The following CTNNA2 variants were observed in gnomAD, a reference collection of about 807,000 sequenced individuals.
CTNNA2 encodes the protein catenin alpha-2.
A neutral mutation model predicts 101.0 loss-of-function variants in CTNNA2; 42 were observed. The ratio of observed to expected loss-of-function variants is 0.42; its 90% confidence interval spans 0.32 to 0.54. CTNNA2 has a LOEUF of 0.54. Among genes scored for constraint, CTNNA2 ranks in the 20% least tolerant of loss-of-function variants. The pLI is 0.14. For synonymous variants in CTNNA2, 450 were observed against 456.4 expected (o/e 0.99, Z 0.18); for missense variants, 871 against 1,223.1 (o/e 0.71, Z 4.29).
At chr2:79,893,205 G>A (rs1052390110) in intron 6 of CTNNA2, among the ~76,000 whole-genome samples, 4 of 152,028 alleles carry the variant, frequency 2.6e-5, no homozygotes, top group Admixed American at 6.6e-5. Flanking sequence ...CTTTTCCACC[G>A]TTTTGTCCTC....
Position 80,300,961 on chromosome 2 carries a change from A to G in CTNNA2, c.1057-92250A>G, listed in dbSNP as rs561834482. ...CACTCTCAACACAGAAAAAAAAAAAAGGGAAAGCAAGCATTACACAAAAGG... is the reference window on the plus strand; with the variant it reads ...CACTCTCAACACAGAAAAAAAAAAAGGGGAAAGCAAGCATTACACAAAAGG... On this transcript the variant is annotated intron_variant, in intron 7 of 18. Transcript: ENST00000402739. Among the ~76,000 whole-genome samples, 91 of 151,858 alleles carry G rather than the reference A, an allele frequency of 6.0e-4. No homozygotes were observed. In the East Asian group the frequency reaches 0.014, roughly 23 times the overall value.
chr2:79,427,405 A>T (rs965727851), intron 4 of CTNNA2, among the ~76,000 whole-genome samples: 3 of 151,960 alleles, frequency 2.0e-5, no homozygotes. Flanking sequence ...ATATGTTACT[A>T]AAAAAACTCA....
At chr2:79,570,133 C>T (rs1675372379) in intron 1 of CTNNA2, among the ~76,000 whole-genome samples, 1 of 152,144 alleles carries the variant, frequency 6.6e-6, no homozygotes, top group South Asian at 2.1e-4. Flanking sequence ...ATGGATTTCT[C>T]AGTAACCCTA....
At chr2:80,046,460 C>A (rs1420103202) in intron 7 of CTNNA2, among the ~76,000 whole-genome samples, 2 of 152,094 alleles carry the variant, frequency 1.3e-5, no homozygotes, top group Non-Finnish European at 2.9e-5. Flanking sequence ...AGTATCCCCC[C>A]AAATAGCTCT....
chr2:80,232,737 A>G (rs1317986537), intron 7 of CTNNA2, among the ~76,000 whole-genome samples: 1 of 152,080 alleles, frequency 6.6e-6, no homozygotes, highest in Non-Finnish European at 1.5e-5. Context: ...CACATGAGGA[A>G]TGGCCCCTAC....
chr2:80,263,838 C>T (rs1251180853), intron 7 of CTNNA2, among the ~76,000 whole-genome samples: 1 of 152,178 alleles, frequency 6.6e-6, no homozygotes, highest in Non-Finnish European at 1.5e-5. Context: ...TCCACTGAAA[C>T]ATTTTTTACA....
chr2:80,595,297 A>T (rs1434501327), intron 15 of CTNNA2, among the ~76,000 whole-genome samples: 1 of 151,416 alleles, frequency 6.6e-6, no homozygotes, highest in Non-Finnish European at 1.5e-5. Flanking sequence ...TTTTTTATTT[A>T]CTAGTGTCTA....
chr2:80,058,237 G>A (rs942614526), intron 7 of CTNNA2, among the ~76,000 whole-genome samples: 3 of 152,144 alleles, frequency 2.0e-5, no homozygotes, highest in African/African-American at 7.2e-5. Flanking sequence ...AATACTTAGG[G>A]AATTCCATAT....
chr2:80,286,302 C>G (rs535839668), intron 7 of CTNNA2, among the ~76,000 whole-genome samples: 2 of 152,228 alleles, frequency 1.3e-5, no homozygotes, highest in African/African-American at 2.4e-5. Flanking sequence ...TTCTTTTCCC[C>G]CCGCCCCACC....
At chr2:79,633,660 A>G (rs147700897) in intron 1 of CTNNA2, 2 of 152,278 alleles carry the variant, frequency 1.3e-5, no homozygotes, top group African/African-American at 2.4e-5. Context: ...TCTGTCTTAG[A>G]CGGTATTTGA....
upstream of CTNNA2, among the ~76,000 whole-genome samples, chr2:79,509,443 C>G (rs192256775): frequency 2.2e-4 from 33 of 152,082 alleles, no homozygotes; most frequent in Admixed American, 2.2e-3. Context: ...ACAGAGCTGT[C>G]AAGCCATGAA....
rs1361191677 is a variant in CTNNA2 at position 79,651,541 on chromosome 2, T to C, written c.-5-11T>C. ...ATGATTATTTCTAACTGATTACATG[T>C]GTTCCCATAGGGAGCATGACTTCGG... On this transcript the variant is annotated splice_polypyrimidine_tract_variant and intron_variant, in intron 1 of 18. Coordinates refer to ENST00000402739, the MANE Select transcript of CTNNA2 (RefSeq NM_001282597.3). The C allele has an allele frequency of 1.2e-6, 2 of 1,608,980 alleles. No individual in the cohort carries two copies. Among genetic ancestry groups the C allele is most frequent in the South Asian group, 2.2e-5 (2 of 90,944 alleles).
chr2:80,219,302 G>A (rs1265352324), intron 7 of CTNNA2, among the ~76,000 whole-genome samples: 1 of 152,180 alleles, frequency 6.6e-6, no homozygotes, highest in Non-Finnish European at 1.5e-5. Flanking sequence ...AGTGAGAGGG[G>A]ACTTAGCAAT....
intron 1 of CTNNA2, among the ~76,000 whole-genome samples, chr2:79,534,262 T>C (rs1459716959): frequency 6.6e-6 from 1 of 152,144 alleles, no homozygotes; most frequent in African/African-American, 2.4e-5. Context: ...TTTAAACATT[T>C]TTATTATTTT....
At chr2:80,407,267 C>G (rs1324003164) in intron 8 of CTNNA2, among the ~76,000 whole-genome samples, 25 of 152,176 alleles carry the variant, frequency 1.6e-4, no homozygotes, top group Non-Finnish European at 1.5e-5. Context: ...CTCCTCAGTT[C>G]TCTTCTTAAG....
chr2:79,942,543 C>T (rs940760540), intron 7 of CTNNA2, among the ~76,000 whole-genome samples: 6 of 152,178 alleles, frequency 3.9e-5, no homozygotes, highest in African/African-American at 1.2e-4. Flanking sequence ...AAAAGTTTGG[C>T]TCTACCAGGC....
chr2:80,169,018 C>T lies in CTNNA2; in HGVS notation c.1057-224193C>T, dbSNP rs549200890. Among the ~76,000 whole-genome samples, 12 of 152,302 alleles carry T rather than the reference C, an allele frequency of 7.9e-5. 1 individual carries two copies. The highest frequency in any genetic ancestry group is 4.6e-4 in the Admixed American group (7 of 15,278). On this transcript the variant is annotated intron_variant, in intron 7 of 18. Coordinates refer to ENST00000402739, the MANE Select transcript of CTNNA2 (RefSeq NM_001282597.3). ...GGCCTCCCCTGGCTGGGCTCTGCTCCGTGAGATAAGGAATCCATGGGCCAC... is the reference window on the plus strand; with the variant it reads ...GGCCTCCCCTGGCTGGGCTCTGCTCTGTGAGATAAGGAATCCATGGGCCAC...
Position 79,233,927 on chromosome 2 carries a change from G to A in CTNNA2, c.-406+35851G>A, listed in dbSNP as rs191765241. ...TTCTCCGTTCCTTTACTTTGAGCCT[G>A]TGGTGTCATTACATGTGAGATGCAT... is the stretch of plus-strand genomic sequence containing the variant. On this transcript the variant is annotated intron_variant, in intron 2 of 21. Coordinates refer to the CTNNA2 transcript ENST00000466387. Among the ~76,000 whole-genome samples the A allele has an allele frequency of 4.6e-5, 7 of 150,718 alleles. No homozygotes were observed. The East Asian group carries it at 1.2e-3, about 25-fold the overall frequency.
chr2:80,108,174 A>G (rs1701004492), intron 7 of CTNNA2, among the ~76,000 whole-genome samples: 2 of 152,214 alleles, frequency 1.3e-5, no homozygotes, highest in African/African-American at 4.8e-5. Flanking sequence ...CTAGTAGTGG[A>G]ATATCAAATA....
Sources: allele counts gnomAD v4.1 joint callset (sites outside exome capture counted in the v4.1 genomes callset), GRCh38; gene constraint gnomAD v4.1.1; transcripts MANE v1.5; gene names NCBI Gene and HGNC (gene_info 2026-07-23, HGNC 2026-07-21).